The following SNAP29 variants were observed in gnomAD, a reference collection of about 807,000 sequenced individuals.
The protein encoded by SNAP29 is synaptosome associated protein 29.
In SNAP29, 13 loss-of-function variants were observed where a neutral mutation model predicts 27.9. The observed-to-expected ratio is 0.47, with a 90% CI of 0.30 to 0.74. The LOEUF is 0.74. SNAP29 is among the 30% of genes least tolerant of loss of function. The pLI, the probability that SNAP29 is intolerant of heterozygous loss-of-function variation, is 0.06. For synonymous variants in SNAP29, 119 were observed against 127.1 expected, an observed-to-expected ratio of 0.94 and a Z score of 0.43; for missense variants, 368 against 336.5, an observed-to-expected ratio of 1.09 and a Z score of -0.73.
Position 20,859,230 on chromosome 22 carries a change from C to T in SNAP29, c.120C>T (p.Asp40=), listed in dbSNP as rs751220657. The change falls in exon 1 of 5, where the codon GAC becomes GAT. Residue 40 remains aspartate, a synonymous_variant. Coordinates refer to ENST00000215730, the MANE Select transcript of SNAP29 (RefSeq NM_004782.4). Reference sequence around the variant, plus strand: ...CCGACGGGCCCGACGCGCCCGCGGACAGGCAGCAGTACTTGCGGCAGGAGG... The same window carrying T: ...CCGACGGGCCCGACGCGCCCGCGGATAGGCAGCAGTACTTGCGGCAGGAGG... ...DLPDGPDAPA[D]RQQYLRQEVL... The T allele has an allele frequency of 5.6e-6, 9 of 1,606,434 alleles. No individual in the cohort carries two copies. In the South Asian group the frequency reaches 7.8e-5, roughly 14 times the overall value.
At chr22:20,860,653 G>A (rs1050435486) in intron 1 of SNAP29, among the ~76,000 whole-genome samples, 2 of 151,938 alleles carry the variant, frequency 1.3e-5, no homozygotes, top group Non-Finnish European at 2.9e-5. Flanking sequence ...TTACAGGCGT[G>A]AGCCACCATA....
rs1341019820 is a variant in SNAP29, at chr22:20,865,605, G to GT, written c.238-4731dup. 4.6e-5 allele frequency among the ~76,000 whole-genome samples: 7 copies of GT among 152,224 alleles called. No homozygotes were observed. In the East Asian group the frequency reaches 1.2e-3, roughly 25 times the overall value. On this transcript the variant is annotated intron_variant, in intron 1 of 4. Coordinates refer to ENST00000215730, the MANE Select transcript of SNAP29 (RefSeq NM_004782.4). ...AGGTGTTCTTAGAGTGGGAAGTGTT[G>GT]TAGGGAGGTGTTTGGGGGTTCCCAA...
intron 1 of SNAP29, among the ~76,000 whole-genome samples, chr22:20,865,234 A>G (rs1053185284): frequency 2.0e-5 from 3 of 152,254 alleles, no homozygotes; most frequent in East Asian, 1.9e-4. Context: ...GCATGCCTGT[A>G]GTTCCAGCTA....
intron 1 of SNAP29, among the ~76,000 whole-genome samples, chr22:20,866,691 G>A (rs150096308): frequency 2.0e-3 from 306 of 152,172 alleles, no homozygotes; most frequent in African/African-American, 6.8e-3. Flanking sequence ...CTCCCCACAC[G>A]GTTCCTCTGC....
intron 1 of SNAP29, among the ~76,000 whole-genome samples, chr22:20,861,380 G>C (rs1928315511): frequency 1.3e-5 from 2 of 151,414 alleles, no homozygotes; most frequent in Admixed American, 1.3e-4. Context: ...CAAAGTCCTG[G>C]GATTATAGGC....
chr22:20,876,753 G>T (rs1231499498), intron 2 of SNAP29, among the ~76,000 whole-genome samples: 1 of 151,910 alleles, frequency 6.6e-6, no homozygotes, highest in African/African-American at 2.4e-5. Context: ...TGTATTTTTA[G>T]TAGAGATGGG....
At chr22:20,874,414 G>A (rs923360724) in intron 2 of SNAP29, among the ~76,000 whole-genome samples, 1 of 150,078 alleles carries the variant, frequency 6.7e-6, no homozygotes, top group African/African-American at 2.5e-5. Context: ...AGCCGGACAT[G>A]GTGGTACGTG....
rs182058895 is a variant in SNAP29, at chr22:20,866,743, C to T, written c.238-3594C>T. The stretch of plus-strand genomic sequence containing the variant: ...CCCTCTGCCTGGTGCCCTTGCCCCA[C>T]CCCAACTCTTCGTTGTGATTTGTTT... On this transcript the variant is annotated intron_variant, in intron 1 of 4. Coordinates refer to ENST00000215730, the MANE Select transcript of SNAP29 (RefSeq NM_004782.4). 2.9e-3 allele frequency among the ~76,000 whole-genome samples: 439 copies of T among 152,306 alleles called. 2 individuals are homozygous for T. The highest frequency in any genetic ancestry group is 5.2e-3 in the Non-Finnish European group (354 of 68,034).
At chr22:20,886,266 G>C (rs1929013406) in intron 4 of SNAP29, among the ~76,000 whole-genome samples, 2 of 151,888 alleles carry the variant, frequency 1.3e-5, no homozygotes, top group Admixed American at 6.6e-5. Flanking sequence ...GGGATTACAA[G>C]CATGAGCCAC....
intron 2 of SNAP29, among the ~76,000 whole-genome samples, chr22:20,872,494 G>A (rs370618857): frequency 2.6e-5 from 4 of 151,702 alleles, no homozygotes; most frequent in Admixed American, 6.6e-5. Flanking sequence ...TCCGCCTCCC[G>A]GGTTCATGCC....
At chr22:20,859,396 A>T in intron 1 of SNAP29, 49 bp downstream of exon 1, 1 of 1,271,070 alleles carries the variant, frequency 7.9e-7, no homozygotes, top group African/African-American at 1.5e-5. Context: ...CTGTGCTGTC[A>T]AACGGAGACG....
intron 2 of SNAP29, 23 bp downstream of exon 2, chr22:20,870,556 G>T (rs779701920): frequency 6.2e-7 from 1 of 1,607,434 alleles, no homozygotes; most frequent in East Asian, 2.2e-5. Context: ...TCTACCATCT[G>T]GGTATAAAGG....
intron 1 of SNAP29, among the ~76,000 whole-genome samples, chr22:20,869,729 C>T (rs1167316053): frequency 6.6e-6 from 1 of 152,170 alleles, no homozygotes; most frequent in East Asian, 1.9e-4. Flanking sequence ...GCTTCCAGTT[C>T]AGGCCATAGA....
At position 20,861,118 on chromosome 22, in the gene SNAP29, G is replaced by GTTTTTTT. The variant is rs362237; in HGVS notation, c.237+1783_237+1789dup. ...TCCCTCATTGATCCACCTCCCTGTG[G>GTTTTTTT]TTTTTTTTTTTTTTTTTTGAGACAG... On this transcript the variant is annotated intron_variant, in intron 1 of 4. Transcript: ENST00000215730. Among the ~76,000 whole-genome samples, 2 of 121,816 alleles carry GTTTTTTT rather than the reference G, an allele frequency of 1.6e-5. 1 individual carries two copies. Among genetic ancestry groups the GTTTTTTT allele is most frequent in the Non-Finnish European group, 3.3e-5 (2 of 60,448 alleles). The allele number at this position is 121,816 out of a possible 152,430, so 79.9% of individuals were successfully genotyped here.
chr22:20,872,861 A>G (rs766865786), intron 2 of SNAP29, among the ~76,000 whole-genome samples: 18 of 98,832 alleles, frequency 1.8e-4, no homozygotes, highest in Non-Finnish European at 2.9e-4. Flanking sequence ...ACAGAGTCTC[A>G]CTCTGTTGCC....
Position 20,882,591 on chromosome 22 carries a change from A to G in SNAP29, c.521-880A>G, listed in dbSNP as rs952431313. On this transcript the variant is annotated intron_variant, in intron 3 of 4. Transcript: ENST00000215730. ...AGCAGGAGAGACTAACATCATCAGC[A>G]CAGTTCATTCTGGAAAGGCAAGTGG... 9.2e-5 allele frequency among the ~76,000 whole-genome samples: 14 copies of G among 152,020 alleles called. 1 individual carries two copies. Among genetic ancestry groups the G allele is most frequent in the African/African-American group, 3.4e-4 (14 of 41,382 alleles).
chr22:20,890,331 T>C lies in SNAP29; in HGVS notation c.*2495T>C. Reference sequence around the variant, plus strand: ...GAGACAAGCAAAATGGTGCCAGGGCTGGGCTGACTGTGGGATGGGATTTGG... The same window carrying C: ...GAGACAAGCAAAATGGTGCCAGGGCCGGGCTGACTGTGGGATGGGATTTGG... On this transcript the variant is annotated 3_prime_UTR_variant, in exon 5 of 5. Coordinates refer to ENST00000215730, the MANE Select transcript of SNAP29 (RefSeq NM_004782.4). 2.5e-6 allele frequency: 1 copy of C among 398,608 alleles called. No individual in the cohort carries two copies. The highest frequency in any genetic ancestry group is 4.4e-6 in the Non-Finnish European group (1 of 226,058). The allele number at this position is 398,608 out of a possible 1,614,324, so 24.7% of individuals were successfully genotyped here.
chr22:20,867,874 C>G (rs1345241908), intron 1 of SNAP29, among the ~76,000 whole-genome samples: 1 of 152,076 alleles, frequency 6.6e-6, no homozygotes, highest in East Asian at 1.9e-4. Context: ...GGTGAGTGGT[C>G]GTGGGTTGGC....
intron 2 of SNAP29, among the ~76,000 whole-genome samples, chr22:20,879,036 A>ATG (rs1928818509): frequency 1.3e-5 from 2 of 152,184 alleles, no homozygotes; most frequent in Non-Finnish European, 2.9e-5. Context: ...GGCCGGGTGC[A>ATG]GTGGCTCACG....
Sources: gnomAD v4.1 joint callset for allele counts (sites outside exome capture counted in the v4.1 genomes callset) on GRCh38, gnomAD v4.1.1 for gene constraint, MANE v1.5 for transcripts, NCBI Gene and HGNC (gene_info 2026-07-23, HGNC 2026-07-21) for gene names.